Variants in IL1RAPL1 observed in about 807,000 individuals in gnomAD.
IL1RAPL1 encodes interleukin 1 receptor accessory protein like 1.
Under a neutral mutation model 48.4 loss-of-function variants are expected in IL1RAPL1, and 3 were observed. That is an observed-to-expected ratio of 0.06 (90% CI 0.03 to 0.16). IL1RAPL1 has a LOEUF of 0.16. Among genes scored for constraint, IL1RAPL1 ranks in the 10% least tolerant of loss-of-function variants. The pLI is 1.00. For missense variants in IL1RAPL1, 349 were observed against 530.6 expected, an observed-to-expected ratio of 0.66 and a Z score of 3.36; for synonymous variants, 185 against 187.7, an observed-to-expected ratio of 0.99 and a Z score of 0.12.
intron 3 of IL1RAPL1, among the ~76,000 whole-genome samples, chrX:29,321,176 A>AGTG (rs991524254): frequency 8.9e-6 from 1 of 112,049 alleles, no homozygotes; most frequent in Non-Finnish European, 1.9e-5. Flanking sequence ...GACCAAGATG[A>AGTG]GTGGTGATCT....
intron 2 of IL1RAPL1, among the ~76,000 whole-genome samples, chrX:28,994,009 C>G (rs917659898): frequency 9.0e-6 from 1 of 110,630 alleles, no homozygotes; most frequent in Non-Finnish European, 1.9e-5. Context: ...AACAAATAGG[C>G]TGAAATCTCT....
chrX:29,107,622 A>G (rs1928474244), intron 2 of IL1RAPL1, among the ~76,000 whole-genome samples: 1 of 112,085 alleles, frequency 8.9e-6, no homozygotes, highest in Admixed American at 9.5e-5. Flanking sequence ...TATCAAAAAC[A>G]AAGAAACATT....
At chrX:29,406,912 A>G (rs891954326) in intron 5 of IL1RAPL1, among the ~76,000 whole-genome samples, 1 of 111,898 alleles carries the variant, frequency 8.9e-6, no homozygotes, top group African/African-American at 3.2e-5. Flanking sequence ...TTGTTGGAAG[A>G]TATGTCTGTT....
At chrX:28,608,931 G>T (rs911404384) in intron 1 of IL1RAPL1, among the ~76,000 whole-genome samples, 2 of 111,569 alleles carry the variant, frequency 1.8e-5, no homozygotes, top group African/African-American at 6.5e-5. Flanking sequence ...TTCTATAAAT[G>T]TTTTTTTTCT....
chrX:29,527,572 G>A (rs1331741554), intron 5 of IL1RAPL1, among the ~76,000 whole-genome samples: 4 of 109,529 alleles, frequency 3.7e-5, no homozygotes, highest in Non-Finnish European at 7.6e-5. Flanking sequence ...TGATCTGCCC[G>A]CCTCATCCTC....
At chrX:29,207,067 G>A (rs1930680048) in intron 2 of IL1RAPL1, among the ~76,000 whole-genome samples, 1 of 111,312 alleles carries the variant, frequency 9.0e-6, no homozygotes, top group South Asian at 3.7e-4. Context: ...GCCTTTTTTT[G>A]TGGAGTGGGG....
At chrX:29,534,161 G>T (rs748206411) in intron 5 of IL1RAPL1, among the ~76,000 whole-genome samples, 3 of 111,702 alleles carry the variant, frequency 2.7e-5, no homozygotes, top group African/African-American at 9.8e-5. Context: ...GAAATTTACA[G>T]TGTGTGATAT....
chrX:28,661,273 T>G (rs756591321), intron 1 of IL1RAPL1, among the ~76,000 whole-genome samples: 1 of 111,994 alleles, frequency 8.9e-6, no homozygotes, highest in Non-Finnish European at 1.9e-5. Flanking sequence ...GAAAATAAAA[T>G]TCAGCTGAGG....
chrX:29,571,961 G>A (rs1922609298), intron 5 of IL1RAPL1, among the ~76,000 whole-genome samples: 1 of 111,888 alleles, frequency 8.9e-6, no homozygotes, highest in Non-Finnish European at 1.9e-5. Context: ...GTAAAATCTG[G>A]CAAGGACCTT....
At chrX:28,634,406 T>C (rs775062242) in intron 1 of IL1RAPL1, among the ~76,000 whole-genome samples, 1 of 109,498 alleles carries the variant, frequency 9.1e-6, no homozygotes, top group Non-Finnish European at 1.9e-5. Context: ...CGTATACACG[T>C]ATGTATACAT....
intron 2 of IL1RAPL1, among the ~76,000 whole-genome samples, chrX:29,203,558 T>A (rs1602109935): frequency 9.2e-6 from 1 of 108,653 alleles, no homozygotes; most frequent in Non-Finnish European, 1.9e-5. Flanking sequence ...CCGTCTCTAC[T>A]AAAAATACAA....
At chrX:29,649,777 A>G (rs1183585753) in intron 5 of IL1RAPL1, among the ~76,000 whole-genome samples, 1 of 111,326 alleles carries the variant, frequency 9.0e-6, no homozygotes, top group Non-Finnish European at 1.9e-5. Flanking sequence ...GGCAAGGGAA[A>G]GAAATAAAGG....
intron 2 of IL1RAPL1, among the ~76,000 whole-genome samples, chrX:29,240,195 C>CATATATATATATAT (rs1224933369): frequency 2.6e-4 from 7 of 27,220 alleles, no homozygotes; most frequent in African/African-American, 1.5e-3. Context: ...CACACACACA[C>CATATATATATATAT]ATATATATAT....
chrX:29,601,930 C>G (rs1923731733), intron 5 of IL1RAPL1, among the ~76,000 whole-genome samples: 2 of 112,039 alleles, frequency 1.8e-5, no homozygotes, highest in Non-Finnish European at 3.8e-5. Context: ...GGTTTCTTTT[C>G]AAATATAGTC....
At chrX:28,699,567 G>A (rs1034304441) in intron 1 of IL1RAPL1, among the ~76,000 whole-genome samples, 2 of 112,221 alleles carry the variant, frequency 1.8e-5, no homozygotes, top group Non-Finnish European at 3.8e-5. Context: ...GAACTGGATC[G>A]TCTCTCCTGT....
intron 2 of IL1RAPL1, among the ~76,000 whole-genome samples, chrX:28,969,231 G>A (rs1924996111): frequency 9.0e-6 from 1 of 111,703 alleles, no homozygotes; most frequent in Non-Finnish European, 1.9e-5. Context: ...TGGGGTTTTG[G>A]TTACTTATTA....
At chrX:28,759,410 G>A (rs1183926825) in intron 1 of IL1RAPL1, among the ~76,000 whole-genome samples, 1 of 110,359 alleles carries the variant, frequency 9.1e-6, no homozygotes, top group African/African-American at 3.3e-5. Context: ...ATTCCCATAA[G>A]TTGGGAAAAT....
chrX:28,797,991 A>G (rs1432855324), intron 2 of IL1RAPL1, among the ~76,000 whole-genome samples: 1 of 111,395 alleles, frequency 9.0e-6, no homozygotes, highest in Non-Finnish European at 1.9e-5. Context: ...GCAAAAAGAG[A>G]GCTTGTGTAG....
At chrX:29,760,091 A>C (rs1322471711) in intron 6 of IL1RAPL1, among the ~76,000 whole-genome samples, 1 of 111,994 alleles carries the variant, frequency 8.9e-6, no homozygotes, top group Admixed American at 9.5e-5. Flanking sequence ...GGAAGAACCA[A>C]GTGTCACAAT....
Sources: allele counts gnomAD v4.1 joint callset (sites outside exome capture counted in the v4.1 genomes callset), GRCh38; gene constraint gnomAD v4.1.1; transcripts MANE v1.5; gene names NCBI Gene and HGNC (gene_info 2026-07-23, HGNC 2026-07-21).